SBF2: variants seen among roughly 807,000 people sequenced by gnomAD.
SBF2 encodes myotubularin-related protein 13.
SBF2 carries 112 observed loss-of-function variants against 225.2 expected under a neutral mutation model. The observed-to-expected ratio is 0.50, with a 90% CI of 0.43 to 0.58. SBF2 has a LOEUF of 0.58. SBF2 is among the 20% of genes least tolerant of loss of function. SBF2 has a pLI of 0.00. For missense variants in SBF2, 1,996 were observed against 2,206.2 expected (o/e 0.90, Z 1.91); for synonymous variants, 763 against 773.3 (o/e 0.99, Z 0.22).
At chr11:9,878,807 G>C (rs1179587630) in intron 17 of SBF2, among the ~76,000 whole-genome samples, 1 of 152,168 alleles carries the variant, frequency 6.6e-6, no homozygotes, top group Non-Finnish European at 1.5e-5. Flanking sequence ...AGTCATTCAA[G>C]ATGGCTCTCT....
intron 2 of SBF2, among the ~76,000 whole-genome samples, chr11:10,051,313 T>C (rs982666625): frequency 1.3e-5 from 2 of 152,088 alleles, no homozygotes; most frequent in Admixed American, 1.3e-4. Flanking sequence ...AGAAAAAGAA[T>C]GTGAGAGTTT....
At chr11:10,054,696 C>T (rs900289143) in intron 2 of SBF2, among the ~76,000 whole-genome samples, 8 of 151,948 alleles carry the variant, frequency 5.3e-5, no homozygotes, top group African/African-American at 1.7e-4. Context: ...CTATAAGAAA[C>T]TTAAATCAGC....
chr11:10,119,682 T>A (rs1224642054), intron 2 of SBF2, among the ~76,000 whole-genome samples: 1 of 152,082 alleles, frequency 6.6e-6, no homozygotes, highest in Non-Finnish European at 1.5e-5. Context: ...TAAATTGGAG[T>A]CCGACAGTAT....
At position 9,993,095 on chromosome 11, in the gene SBF2, C is replaced by T. The variant is rs376956314; in HGVS notation, c.1062G>A (p.Glu354=). 3.9e-5 allele frequency: 63 copies of T among 1,605,414 alleles called. No individual in the cohort carries two copies. Among genetic ancestry groups the T allele is most frequent in the Non-Finnish European group, 5.0e-5 (59 of 1,174,492 alleles). Residue 354 remains glutamate (E), a synonymous_variant, in exon 11 of 40, where the codon GAG becomes GAA. Coordinates refer to ENST00000256190, the MANE Select transcript of SBF2 (RefSeq NM_030962.4). The part of the protein sequence containing the change: ...ALSHSKMLDK[E]VRAVFLRLFA... ...ATAATCTAAGGAAAACGGCTCGCAC[C>T]TCTTTATCCTAAAAATATAAGAAGA...
intron 13 of SBF2, among the ~76,000 whole-genome samples, chr11:9,971,441 G>A (rs1481301992): frequency 6.6e-6 from 1 of 152,128 alleles, no homozygotes; most frequent in African/African-American, 2.4e-5. Context: ...CACTTTGGGA[G>A]TTCGGAGTGG....
At chr11:9,809,045 T>G in intron 30 of SBF2, 43 bp from the exon 31 acceptor site, 1 of 1,472,522 alleles carries the variant, frequency 6.8e-7, no homozygotes, top group Non-Finnish European at 9.5e-7. Flanking sequence ...AAGCGCTTTC[T>G]GAGTGCAGAA....
intron 20 of SBF2, among the ~76,000 whole-genome samples, 186 bp downstream of exon 20, chr11:9,853,354 T>C (rs1482611152): frequency 6.6e-6 from 1 of 152,216 alleles, no homozygotes; most frequent in Non-Finnish European, 1.5e-5. Context: ...TGCCACTGAA[T>C]TGTACACTTA....
intron 38 of SBF2, among the ~76,000 whole-genome samples, chr11:9,782,775 C>G (rs1453342768): frequency 6.6e-6 from 1 of 151,532 alleles, no homozygotes; most frequent in African/African-American, 2.4e-5. Flanking sequence ...GGAGGCTGAG[C>G]CAGAGAATGG....
chr11:9,888,237 C>A (rs1318312797), intron 17 of SBF2, among the ~76,000 whole-genome samples: 1 of 152,130 alleles, frequency 6.6e-6, no homozygotes, highest in Non-Finnish European at 1.5e-5. Flanking sequence ...GTGGTTCATA[C>A]CTATAACTCC....
rs1375882438 is a variant in SBF2, at chr11:9,816,764, C to G, written c.3978+76G>C. 3 of 1,448,282 alleles carry G rather than the reference C, an allele frequency of 2.1e-6. No individual in the cohort carries two copies. In the African/African-American group the frequency reaches 4.2e-5, roughly 20 times the overall value. 89.7% of individuals were successfully genotyped at this position (1,448,282 alleles called of 1,614,324 possible). ...TGCTGTAAAAAAAATTCTAGCAAAG[C>G]TGGTTTGTGATACAGGTTTTATCAA... On this transcript the variant is annotated intron_variant, in intron 29 of 39. Transcript: ENST00000256190.
At chr11:10,000,250 C>T (rs1947901687) in intron 8 of SBF2, among the ~76,000 whole-genome samples, 1 of 152,190 alleles carries the variant, frequency 6.6e-6, no homozygotes. Context: ...TTACTTTTAC[C>T]TATCAAATAG....
intron 1 of SBF2, among the ~76,000 whole-genome samples, chr11:10,240,679 T>C (rs1284173941): frequency 6.6e-6 from 1 of 152,226 alleles, no homozygotes; most frequent in Non-Finnish European, 1.5e-5. Context: ...AATTATATTA[T>C]CATCAGGATA....
At chr11:9,984,136 G>A (rs1947088221) in intron 13 of SBF2, among the ~76,000 whole-genome samples, 1 of 152,116 alleles carries the variant, frequency 6.6e-6, no homozygotes, top group Admixed American at 6.6e-5. Flanking sequence ...AATGAGGGAG[G>A]GAGCAGAGAA....
intron 16 of SBF2, among the ~76,000 whole-genome samples, chr11:9,910,607 G>A (rs1862518972): frequency 6.6e-6 from 1 of 151,994 alleles, no homozygotes; most frequent in African/African-American, 2.4e-5. Context: ...AAGATGTGGT[G>A]GTGGAAGACA....
At position 9,799,056 on chromosome 11, in the gene SBF2, C is replaced by T. The variant is rs143175067; in HGVS notation, c.4444-3099G>A. ...CTTCATAGAAACCAGATACCTCATACATACTTGTATCTTTTCTTGATGATT... is the reference window on the plus strand; with the variant it reads ...CTTCATAGAAACCAGATACCTCATATATACTTGTATCTTTTCTTGATGATT... On this transcript the variant is annotated intron_variant, in intron 32 of 39. Transcript: ENST00000256190. Among the ~76,000 whole-genome samples, 401 of 152,122 alleles carry T rather than the reference C, an allele frequency of 2.6e-3. 3 individuals carry two copies. The highest frequency in any genetic ancestry group is 9.2e-3 in the African/African-American group (381 of 41,494).
At chr11:10,199,563 T>C (rs570509919) in intron 1 of SBF2, among the ~76,000 whole-genome samples, 1 of 151,986 alleles carries the variant, frequency 6.6e-6, no homozygotes, top group African/African-American at 2.4e-5. Context: ...AAACAAATAA[T>C]AAATAATAAG....
intron 1 of SBF2, among the ~76,000 whole-genome samples, chr11:10,201,934 AAAT>A (rs2135355893): frequency 6.6e-6 from 1 of 152,384 alleles, no homozygotes; most frequent in African/African-American, 2.4e-5. Flanking sequence ...ATGTCATTAA[AAAT>A]AATAAATAAA....
intron 33 of SBF2, 56 bp downstream of exon 33, chr11:9,795,775 A>G (rs1479962982): frequency 6.3e-7 from 1 of 1,588,584 alleles, no homozygotes; most frequent in African/African-American, 1.3e-5. Context: ...TAGAATTTTC[A>G]TTAAAAACAT....
At chr11:10,135,382 GCTC>G (rs1390859354) in intron 2 of SBF2, among the ~76,000 whole-genome samples, 1 of 152,170 alleles carries the variant, frequency 6.6e-6, no homozygotes, top group African/African-American at 2.4e-5. Flanking sequence ...TTAACATTTG[GCTC>G]CTCGTTACTT....
Sources: gnomAD v4.1 joint callset for allele counts (sites outside exome capture counted in the v4.1 genomes callset) on GRCh38, gnomAD v4.1.1 for gene constraint, MANE v1.5 for transcripts, NCBI Gene and HGNC (gene_info 2026-07-23, HGNC 2026-07-21) for gene names.